The following PALM2AKAP2 variants were observed in gnomAD, a reference collection of about 807,000 sequenced individuals.
The protein encoded by PALM2AKAP2 is PALM2 and AKAP2 fusion.
Under a neutral mutation model 71.5 loss-of-function variants are expected in PALM2AKAP2, and 37 were observed. That is an observed-to-expected ratio of 0.52 (90% CI 0.40 to 0.68). The LOEUF (loss-of-function observed/expected upper bound fraction) is 0.68. Among genes scored for constraint, PALM2AKAP2 ranks in the 30% least tolerant of loss-of-function variants. The pLI is 0.00. For missense variants in PALM2AKAP2, 1,224 were observed against 1,191.8 expected (o/e 1.03, Z -0.40); for synonymous variants, 468 against 478.8 (o/e 0.98, Z 0.29).
At chr9:109,670,152 G>A (rs1474753115) in intron 1 of PALM2AKAP2, among the ~76,000 whole-genome samples, 1 of 151,992 alleles carries the variant, frequency 6.6e-6, no homozygotes, top group Non-Finnish European at 1.5e-5. Flanking sequence ...GGGTACATAT[G>A]CCAGTTTGTT....
At chr9:110,080,069 CAAAAAAAAAAAAA>C (rs147710381) in intron 1 of PALM2AKAP2, among the ~76,000 whole-genome samples, 8 of 75,546 alleles carry the variant, frequency 1.1e-4, no homozygotes, top group East Asian at 4.0e-4. Context: ...GACTCTGTCT[CAAAAAAAAAAAAA>C]AAAAAAAAAA....
chr9:110,068,512 C>T (rs1208538974), intron 1 of PALM2AKAP2, among the ~76,000 whole-genome samples: 6 of 141,510 alleles, frequency 4.2e-5, no homozygotes. Flanking sequence ...AAAATTGGAG[C>T]TTTTTTAAAA....
intron 3 of PALM2AKAP2, among the ~76,000 whole-genome samples, chr9:109,922,388 C>G (rs1312370478): frequency 7.8e-6 from 1 of 128,412 alleles, no homozygotes; most frequent in African/African-American, 3.0e-5. Context: ...TACCACTACA[C>G]TCCAGCCTGG....
At chr9:110,169,245 C>A (rs1373094724) in exon 4 of PALM2AKAP2, 8 of 152,576 alleles carry the variant, frequency 5.2e-5, no homozygotes, top group African/African-American at 1.9e-4. Flanking sequence ...ATTCACTGAT[C>A]TGCAGTTTAT....
At chr9:109,694,212 T>C (rs1216845335) in intron 1 of PALM2AKAP2, among the ~76,000 whole-genome samples, 1 of 152,054 alleles carries the variant, frequency 6.6e-6, no homozygotes, top group East Asian at 1.9e-4. Context: ...GGCTAGACCA[T>C]AGGGCTCAGA....
intron 3 of PALM2AKAP2, among the ~76,000 whole-genome samples, chr9:109,913,509 TACAGGC>T (rs1830617614): frequency 6.6e-6 from 1 of 152,198 alleles, no homozygotes; most frequent in African/African-American, 2.4e-5. Flanking sequence ...CAACCCCATT[TACAGGC>T]GTTGATTAGC....
intron 2 of PALM2AKAP2, among the ~76,000 whole-genome samples, chr9:110,154,110 C>T (rs1356085013): frequency 1.3e-5 from 2 of 152,166 alleles, no homozygotes; most frequent in East Asian, 3.8e-4. Context: ...CCTATAGTCA[C>T]ATTATTCTTT....
At chr9:109,935,882 T>C (rs539505380) in intron 6 of PALM2AKAP2, among the ~76,000 whole-genome samples, 1 of 152,362 alleles carries the variant, frequency 6.6e-6, no homozygotes, top group South Asian at 2.1e-4. Flanking sequence ...CACTTCCCTT[T>C]CTGCCACTTT....
chr9:109,830,464 T>C (rs10759376), intron 1 of PALM2AKAP2, among the ~76,000 whole-genome samples: 24,024 of 152,202 alleles, frequency 0.16, 2,489 homozygotes, highest in East Asian at 0.34. Context: ...GCCTAGGCTC[T>C]GATCTAGGTC....
At chr9:110,170,919 G>GC (rs1452180705) in exon 4 of PALM2AKAP2, 7 of 152,558 alleles carry the variant, frequency 4.6e-5, no homozygotes, top group Admixed American at 3.9e-4. Context: ...GCATTGCACA[G>GC]CCCCAGGCAC....
chr9:109,776,228 A>G (rs78157959), upstream of PALM2AKAP2, among the ~76,000 whole-genome samples: 165 of 152,358 alleles, frequency 1.1e-3, 3 homozygotes, highest in East Asian at 0.028. Context: ...TAATGGGTTC[A>G]AAGATTTTAA....
chr9:109,662,605 C>T (rs895219381), intron 1 of PALM2AKAP2, among the ~76,000 whole-genome samples: 2 of 150,404 alleles, frequency 1.3e-5, no homozygotes, highest in Admixed American at 6.6e-5. Context: ...CGATGTTCAT[C>T]AGGGATATTG....
chr9:109,792,976 A>T (rs1490285429), intron 1 of PALM2AKAP2, among the ~76,000 whole-genome samples: 2 of 152,122 alleles, frequency 1.3e-5, no homozygotes, highest in South Asian at 4.1e-4. Flanking sequence ...TTCAAAACCT[A>T]CTTTCTCTGT....
Position 110,035,461 on chromosome 9 carries a change from GTA to G in PALM2AKAP2, c.582+19430_582+19431del, listed in dbSNP as rs200032554. 2.6e-3 allele frequency among the ~76,000 whole-genome samples: 361 copies of G among 140,546 alleles called. 2 individuals are homozygous for G. The highest frequency in any genetic ancestry group is 9.1e-3 in the African/African-American group (340 of 37,202). The allele number at this position is 140,546 out of a possible 152,430, so 92.2% of individuals were successfully genotyped here. On this transcript the variant is annotated intron_variant, in intron 7 of 9. Coordinates refer to the PALM2AKAP2 transcript ENST00000302798. ...TATTATGCGTATAATACAGATATAT[GTA>G]TATATATGATATGTTGTGTGTTATA...
chr9:110,139,594 A>C (rs749494156), intron 2 of PALM2AKAP2, among the ~76,000 whole-genome samples: 5 of 152,068 alleles, frequency 3.3e-5, no homozygotes, highest in Non-Finnish European at 7.3e-5. Flanking sequence ...GTTACCCTAA[A>C]GGATAATTGT....
chr9:110,051,292 A>C (rs949432163), intron 1 of PALM2AKAP2, among the ~76,000 whole-genome samples: 1 of 152,214 alleles, frequency 6.6e-6, no homozygotes, highest in Non-Finnish European at 1.5e-5. Flanking sequence ...TCTGGCTAAT[A>C]AAGTGAAGTA....
In PALM2AKAP2 at chr9:109,674,353, G is replaced by C. The variant is rs982810413; in HGVS notation, c.5+33487G>C. Among the ~76,000 whole-genome samples, 3 of 151,428 alleles carry C rather than the reference G, an allele frequency of 2.0e-5. No homozygotes were observed. In the East Asian group the frequency reaches 5.8e-4, roughly 29 times the overall value. ...TTCAGTTTACTATTTTTTTCTTTGT[G>C]GCTACAGGTCACATTTTCCTTCTTT... is the stretch of plus-strand genomic sequence containing the variant. On this transcript the variant is annotated intron_variant, in intron 1 of 6. Coordinates refer to the PALM2AKAP2 transcript ENST00000374531.
At chr9:110,009,198 G>C (rs1422826724) in intron 6 of PALM2AKAP2, among the ~76,000 whole-genome samples, 1 of 152,054 alleles carries the variant, frequency 6.6e-6, no homozygotes, top group Non-Finnish European at 1.5e-5. Context: ...CAGGGAGTGT[G>C]GGTACAGTCA....
At chr9:109,967,140 C>T (rs1320590562) in intron 6 of PALM2AKAP2, among the ~76,000 whole-genome samples, 1 of 152,102 alleles carries the variant, frequency 6.6e-6, no homozygotes, top group East Asian at 1.9e-4. Context: ...AAGGCTTCCT[C>T]CCCCTCGTGT....
Sources: allele counts gnomAD v4.1 joint callset (sites outside exome capture counted in the v4.1 genomes callset), GRCh38; gene constraint gnomAD v4.1.1; transcripts MANE v1.5; gene names NCBI Gene and HGNC (gene_info 2026-07-23, HGNC 2026-07-21).